The following RYR2 variants were observed in gnomAD, a reference collection of about 807,000 sequenced individuals.
RYR2 encodes the protein ryanodine receptor 2.
In RYR2, 227 loss-of-function variants were observed where a neutral mutation model predicts 601.1. That is an observed-to-expected ratio of 0.38 (90% CI 0.34 to 0.42). The LOEUF (loss-of-function observed/expected upper bound fraction) is 0.42, where lower values mean the gene tolerates loss of function less well. Among genes scored for constraint, RYR2 ranks in the 10% least tolerant of loss-of-function variants. The pLI is 1.00. For synonymous variants in RYR2, 2,223 were observed against 2,175.1 expected, an observed-to-expected ratio of 1.02 and a Z score of -0.61; for missense variants, 4,646 against 6,156.5, an observed-to-expected ratio of 0.75 and a Z score of 8.21.
chr1:237,184,384 G>A (rs1345004238), intron 1 of RYR2, among the ~76,000 whole-genome samples: 1 of 152,190 alleles, frequency 6.6e-6, no homozygotes. Flanking sequence ...TCTACATGGT[G>A]CAAGTTTTTA....
chr1:237,181,732 G>A (rs1003947472), intron 1 of RYR2, among the ~76,000 whole-genome samples: 8 of 152,202 alleles, frequency 5.3e-5, no homozygotes, highest in Non-Finnish European at 7.3e-5. Context: ...TCTAATGACT[G>A]TGCTGCATGA....
At chr1:237,135,370 A>C (rs200242069) in intron 1 of RYR2, among the ~76,000 whole-genome samples, 4 of 145,966 alleles carry the variant, frequency 2.7e-5, no homozygotes, top group Non-Finnish European at 4.5e-5. Flanking sequence ...TTTTTTTTTT[A>C]TTTTTCTTTT....
intron 2 of RYR2, among the ~76,000 whole-genome samples, chr1:237,303,130 A>G (rs1289156858): frequency 6.6e-6 from 1 of 152,082 alleles, no homozygotes; most frequent in Non-Finnish European, 1.5e-5. Flanking sequence ...CTTTTTTGGC[A>G]TATAGCTGCC....
At chr1:237,724,993 A>G (rs925040253) in intron 74 of RYR2, among the ~76,000 whole-genome samples, 7 of 152,132 alleles carry the variant, frequency 4.6e-5, no homozygotes, top group African/African-American at 1.7e-4. Context: ...ATGTTTATGG[A>G]GTTCCCTGTC....
At chr1:237,567,306 A>G (rs1672183262) in intron 28 of RYR2, among the ~76,000 whole-genome samples, 1 of 149,680 alleles carries the variant, frequency 6.7e-6, no homozygotes, top group South Asian at 2.1e-4. Flanking sequence ...GATCAGTAAT[A>G]TGGGCGAGGT....
intron 1 of RYR2, among the ~76,000 whole-genome samples, chr1:237,072,709 G>T (rs1157163341): frequency 6.6e-6 from 1 of 152,094 alleles, no homozygotes; most frequent in Admixed American, 6.5e-5. Flanking sequence ...CACTTCAGGA[G>T]GCCGAGGCAG....
intron 8 of RYR2, among the ~76,000 whole-genome samples, chr1:237,381,251 CAAA>C (rs60493059): frequency 2.2e-5 from 1 of 45,768 alleles, no homozygotes; most frequent in South Asian, 8.0e-4. Context: ...GACTCCGTCT[CAAA>C]AAAAAAAAAA....
chr1:237,095,638 G>A (rs557426567), intron 1 of RYR2, among the ~76,000 whole-genome samples: 9 of 152,320 alleles, frequency 5.9e-5, no homozygotes, highest in East Asian at 5.8e-4. Context: ...TCAGTGTTCC[G>A]TCTGTGAGGA....
At chr1:237,798,927 T>C (rs1418987688) in intron 97 of RYR2, among the ~76,000 whole-genome samples, 2 of 152,204 alleles carry the variant, frequency 1.3e-5, no homozygotes, top group Non-Finnish European at 2.9e-5. Context: ...TTAATGATTT[T>C]GGAAGAAACA....
intron 8 of RYR2, among the ~76,000 whole-genome samples, chr1:237,382,618 C>T (rs998648815): frequency 3.4e-5 from 5 of 146,484 alleles, no homozygotes; most frequent in Non-Finnish European, 3.0e-5. Context: ...TGAGTGAGAA[C>T]ATTCGGTGTT....
intron 58 of RYR2, among the ~76,000 whole-genome samples, chr1:237,672,806 T>G (rs2148903018): frequency 6.6e-6 from 1 of 152,330 alleles, no homozygotes; most frequent in East Asian, 1.9e-4. Flanking sequence ...CAACTGTTTG[T>G]GCTTGATATT....
At chr1:237,760,814 C>CAATGAATGGAGACGTGT (rs1553313769) in intron 83 of RYR2, 141 bp from the exon 84 acceptor site, 3 of 611,042 alleles carry the variant, frequency 4.9e-6, no homozygotes, top group Non-Finnish European at 8.8e-6. Flanking sequence ...GGTTGGTACG[C>CAATGAATGGAGACGTGT]AATGAATGGA....
At chr1:237,049,930 T>A (rs1572449811) in intron 1 of RYR2, among the ~76,000 whole-genome samples, 1 of 152,166 alleles carries the variant, frequency 6.6e-6, no homozygotes, top group African/African-American at 2.4e-5. Context: ...GGTGAAGAAG[T>A]GGCCCATGTT....
intron 17 of RYR2, among the ~76,000 whole-genome samples, chr1:237,471,664 A>T (rs949152150): frequency 5.3e-5 from 8 of 151,422 alleles, no homozygotes; most frequent in South Asian, 4.1e-4. Flanking sequence ...AGAGCCAAGC[A>T]TCCTTTAAGG....
chr1:237,044,217 T>C (rs1660283681), intron 1 of RYR2, among the ~76,000 whole-genome samples: 1 of 151,986 alleles, frequency 6.6e-6, no homozygotes, highest in Non-Finnish European at 1.5e-5. Context: ...AACACCACAT[T>C]AGATTTTTCT....
chr1:237,314,054 C>T (rs528320552), intron 2 of RYR2, among the ~76,000 whole-genome samples: 298 of 112,742 alleles, frequency 2.6e-3, no homozygotes, highest in African/African-American at 9.3e-3. Context: ...TGTGTTTCAA[C>T]ATGAATTTCT....
At chr1:237,566,864 T>G in intron 28 of RYR2, 89 bp downstream of exon 28, 1 of 1,332,024 alleles carries the variant, frequency 7.5e-7, no homozygotes, top group Non-Finnish European at 1.1e-6. Flanking sequence ...ACAGTACCAG[T>G]GTTTCCCACA....
intron 1 of RYR2, among the ~76,000 whole-genome samples, chr1:237,194,483 A>G (rs1680338147): frequency 6.6e-6 from 1 of 152,174 alleles, no homozygotes; most frequent in African/African-American, 2.4e-5. Context: ...CCAGGAGAAC[A>G]AGGGGCAGAA....
intron 35 of RYR2, among the ~76,000 whole-genome samples, chr1:237,604,976 C>T (rs1000154026): frequency 3.9e-4 from 60 of 152,128 alleles, no homozygotes; most frequent in African/African-American, 1.4e-3. Context: ...GATTCACAGC[C>T]GAATTCTACC....
Sources: gnomAD v4.1 joint callset for allele counts (sites outside exome capture counted in the v4.1 genomes callset) on GRCh38, gnomAD v4.1.1 for gene constraint, MANE v1.5 for transcripts, NCBI Gene and HGNC (gene_info 2026-07-23, HGNC 2026-07-21) for gene names.